Variants in EGFR observed in about 807,000 individuals in gnomAD.
EGFR encodes the protein avian erythroblastic leukemia viral (v-erb-b) oncogene homolog.
Under a neutral mutation model 143.0 loss-of-function variants are expected in EGFR, and 58 were observed. The observed-to-expected ratio is 0.41, with a 90% CI of 0.33 to 0.50. EGFR has a LOEUF of 0.50. EGFR is among the 20% of genes least tolerant of loss of function. The pLI is 0.39. For synonymous variants in EGFR, 613 were observed against 594.4 expected (o/e 1.03, Z -0.45); for missense variants, 1,307 against 1,579.0 (o/e 0.83, Z 2.92).
At chr7:55,122,263 A>G (rs1793251590) in intron 1 of EGFR, among the ~76,000 whole-genome samples, 1 of 152,050 alleles carries the variant, frequency 6.6e-6, no homozygotes, top group South Asian at 2.1e-4. Context: ...GTGATTTTTC[A>G]CCTGGCAGCT....
In EGFR at chr7:55,205,394, A is replaced by G. The variant is rs1788069016; in HGVS notation, c.3410A>G (p.Glu1137Gly). ...CACAGCACTGCAGTGGGCAACCCCG[A>G]GTATCTCAACACTGTCCAGCCCACC... Reference protein sequence around the residue: ...DPHSTAVGNPEYLNTVQPTCV... With the variant: ...DPHSTAVGNPGYLNTVQPTCV... Residue 1137 changes from glutamate (E) to glycine (G), a missense_variant, in exon 28 of 28, where the codon GAG becomes GGG. Glu to Gly is a moderately conservative substitution (Grantham distance 98, BLOSUM62 -2). Coordinates refer to ENST00000275493, the MANE Select transcript of EGFR (RefSeq NM_005228.5). 6.2e-7 allele frequency: 1 copy of G among 1,613,984 alleles called. No homozygotes were observed. The highest frequency in any genetic ancestry group is 1.3e-5 in the African/African-American group (1 of 74,880).
chr7:55,123,491 T>C (rs964723356), intron 1 of EGFR, among the ~76,000 whole-genome samples: 18 of 152,168 alleles, frequency 1.2e-4, no homozygotes, highest in African/African-American at 4.3e-4. Context: ...CTGGTCTTCC[T>C]TTTTGGTGTA....
chr7:55,197,399 G>T (rs1274358964), intron 22 of EGFR, among the ~76,000 whole-genome samples: 1 of 152,172 alleles, frequency 6.6e-6, no homozygotes, highest in Non-Finnish European at 1.5e-5. Flanking sequence ...ATCAGCTTAA[G>T]GGGTTTTGGG....
chr7:55,199,204 G>A (rs982802155), intron 23 of EGFR, among the ~76,000 whole-genome samples: 10 of 152,232 alleles, frequency 6.6e-5, no homozygotes, highest in African/African-American at 2.4e-4. Context: ...GAGACTGAAT[G>A]TTTTTAAATG....
intron 1 of EGFR, among the ~76,000 whole-genome samples, chr7:55,090,821 T>G (rs1791064614): frequency 2.0e-5 from 3 of 152,206 alleles, no homozygotes; most frequent in Non-Finnish European, 4.4e-5. Flanking sequence ...TAGTAAAAAG[T>G]GAAATACTCC....
chr7:55,152,791 C>T (rs1428616393), intron 6 of EGFR, 127 bp downstream of exon 6: 10 of 753,040 alleles, frequency 1.3e-5, no homozygotes, highest in South Asian at 1.0e-4. Context: ...CAGGATATTG[C>T]CCTCTGCCTG....
intron 1 of EGFR, among the ~76,000 whole-genome samples, chr7:55,047,931 T>C (rs1399279430): frequency 6.6e-6 from 1 of 152,112 alleles, no homozygotes; most frequent in Non-Finnish European, 1.5e-5. Flanking sequence ...ATAACCTCTA[T>C]ATCTAGACAA....
Position 55,166,700 on chromosome 7 carries a change from TTGA to T in EGFR, c.1880+1266_1880+1268del, listed in dbSNP as rs1314041060. 9.8e-4 allele frequency among the ~76,000 whole-genome samples: 49 copies of T among 49,848 alleles called. 3 individuals carry two copies. In the East Asian group the frequency reaches 0.044, roughly 45 times the overall value. 32.7% of individuals were successfully genotyped at this position (49,848 alleles called of 152,430 possible). ...AGTCACAATGGTGGTGGTGATGGTG[TTGA>T]TGGTGGTGAGGAGGTGGGAGTCACA... On this transcript the variant is annotated intron_variant, in intron 15 of 27. Coordinates refer to ENST00000275493, the MANE Select transcript of EGFR (RefSeq NM_005228.5).
intron 1 of EGFR, among the ~76,000 whole-genome samples, chr7:55,097,644 A>T (rs1791558390): frequency 6.6e-6 from 1 of 152,190 alleles, no homozygotes; most frequent in Non-Finnish European, 1.5e-5. Flanking sequence ...GTCACTTTGT[A>T]CCTGATTTCT....
intron 19 of EGFR, among the ~76,000 whole-genome samples, chr7:55,175,992 T>C (rs1311885549): frequency 6.6e-6 from 1 of 152,198 alleles, no homozygotes; most frequent in African/African-American, 2.4e-5. Context: ...AAATTAGCTT[T>C]CATTTTAACG....
At position 55,201,192 on chromosome 7, in the gene EGFR, A is replaced by G. The variant is rs2128971462; in HGVS notation, c.2951A>G (p.Asp984Gly). 6.2e-7 allele frequency: 1 copy of G among 1,614,122 alleles called. No individual in the cohort carries two copies. The highest frequency in any genetic ancestry group is 8.5e-7 in the Non-Finnish European group (1 of 1,180,014). Residue 984 changes from aspartate (D) to glycine (G), a missense_variant, in exon 25 of 28, where the codon GAT becomes GGT. Transcript: ENST00000275493. ...DPQRYLVIQG[D>G]ERMHLPSPTD... ...GCCTCAAAATCTCTGCACCAGGGGG[A>G]TGAAAGAATGCATTTGCCAAGTCCT...
chr7:55,185,686 G>A (rs1351312713), intron 20 of EGFR, among the ~76,000 whole-genome samples: 1 of 152,232 alleles, frequency 6.6e-6, no homozygotes, highest in Non-Finnish European at 1.5e-5. Flanking sequence ...CTGTAGTACA[G>A]CAAACAATAT....
chr7:55,068,524 C>T (rs897403534), intron 1 of EGFR, among the ~76,000 whole-genome samples: 2 of 152,152 alleles, frequency 1.3e-5, no homozygotes, highest in African/African-American at 2.4e-5. Flanking sequence ...GCGAAGATTG[C>T]TTGTGTCTGC....
chr7:55,179,041 T>C (rs915869102), intron 19 of EGFR, among the ~76,000 whole-genome samples: 6 of 152,198 alleles, frequency 3.9e-5, no homozygotes, highest in Non-Finnish European at 7.3e-5. Context: ...TGCCAACAGA[T>C]ACGGGGCGGA....
chr7:55,120,615 C>T (rs1157588483), intron 1 of EGFR, among the ~76,000 whole-genome samples: 1 of 152,148 alleles, frequency 6.6e-6, no homozygotes, highest in Non-Finnish European at 1.5e-5. Flanking sequence ...TCAGCTCCAT[C>T]CGGGCGGAGA....
chr7:55,202,771 G>T (rs189075366), intron 27 of EGFR, 146 bp downstream of exon 27: 7 of 757,408 alleles, frequency 9.2e-6, no homozygotes, highest in Admixed American at 4.0e-5. Context: ...AGTGAAGGGC[G>T]TAAGGAGCAG....
intron 7 of EGFR, among the ~76,000 whole-genome samples, chr7:55,155,174 G>A (rs541978584): frequency 9.8e-5 from 15 of 152,336 alleles, no homozygotes; most frequent in Middle Eastern, 6.8e-3. Flanking sequence ...TGGCTCATTG[G>A]CTCATGCCTT....
At chr7:55,102,335 C>A (rs573580247) in intron 1 of EGFR, among the ~76,000 whole-genome samples, 1 of 152,238 alleles carries the variant, frequency 6.6e-6, no homozygotes, top group Non-Finnish European at 1.5e-5. Context: ...CCACCTTCGA[C>A]CTCCAGCAGG....
intron 16 of EGFR, among the ~76,000 whole-genome samples, chr7:55,172,169 A>T (rs1399561928): frequency 1.3e-5 from 2 of 152,210 alleles, no homozygotes; most frequent in Admixed American, 1.3e-4. Context: ...AGTCATGGCC[A>T]TTCCTTCTTA....
Sources: gnomAD v4.1 joint callset for allele counts (sites outside exome capture counted in the v4.1 genomes callset) on GRCh38, gnomAD v4.1.1 for gene constraint, MANE v1.5 for transcripts, NCBI Gene and HGNC (gene_info 2026-07-23, HGNC 2026-07-21) for gene names.